Variants in ROBO2 observed in about 807,000 individuals in gnomAD.
ROBO2 encodes the protein roundabout homolog 2.
In ROBO2, 53 loss-of-function variants were observed where a neutral mutation model predicts 160.8. That is an observed-to-expected ratio of 0.33 (90% CI 0.26 to 0.41). The LOEUF (loss-of-function observed/expected upper bound fraction) is 0.41, where lower values mean the gene tolerates loss of function less well. ROBO2 is among the 10% of genes least tolerant of loss of function. ROBO2 has a pLI of 1.00. For missense variants in ROBO2, 1,577 were observed against 1,722.4 expected (o/e 0.92, Z 1.49); for synonymous variants, 664 against 611.7 (o/e 1.09, Z -1.26).
chr3:77,284,284 G>C, intron 2 of ROBO2, among the ~76,000 whole-genome samples: 1 of 152,118 alleles, frequency 6.6e-6, no homozygotes, highest in East Asian at 1.9e-4. Flanking sequence ...ACCCTGATGT[G>C]CTAGCACATG....
chr3:76,630,750 T>C (rs58771359), intron 2 of ROBO2, among the ~76,000 whole-genome samples: 1 of 152,202 alleles, frequency 6.6e-6, no homozygotes, highest in Admixed American at 6.5e-5. Flanking sequence ...CAATATCTTT[T>C]AAAAAATAAA....
At chr3:77,468,623 C>T (rs1010282320) in intron 2 of ROBO2, among the ~76,000 whole-genome samples, 2 of 152,180 alleles carry the variant, frequency 1.3e-5, no homozygotes, top group African/African-American at 4.8e-5. Flanking sequence ...GGCTAAGAAA[C>T]TCGAAGCTGG....
intron 21 of ROBO2, among the ~76,000 whole-genome samples, chr3:77,608,856 T>C (rs941024500): frequency 3.9e-5 from 6 of 151,920 alleles, no homozygotes; most frequent in African/African-American, 7.2e-5. Context: ...AATAAATCTA[T>C]TTATTTCTAT....
chr3:76,357,144 G>T (rs1254046898), intron 2 of ROBO2, among the ~76,000 whole-genome samples: 1 of 151,690 alleles, frequency 6.6e-6, no homozygotes, highest in African/African-American at 2.4e-5. Flanking sequence ...AAATACCATG[G>T]AATACTACAC....
intron 2 of ROBO2, among the ~76,000 whole-genome samples, chr3:77,034,235 G>A (rs1228019429): frequency 6.6e-6 from 1 of 151,668 alleles, no homozygotes; most frequent in Non-Finnish European, 1.5e-5. Context: ...ATAAACTTGG[G>A]CCAGGGAGAT....
intron 2 of ROBO2, among the ~76,000 whole-genome samples, chr3:76,780,933 T>C (rs1368731408): frequency 1.3e-5 from 2 of 150,828 alleles, no homozygotes; most frequent in Non-Finnish European, 3.0e-5. Flanking sequence ...AGGATGGTTT[T>C]TATATTTCTG....
chr3:76,878,325 G>A (rs1422394251), intron 2 of ROBO2, among the ~76,000 whole-genome samples: 1 of 152,070 alleles, frequency 6.6e-6, no homozygotes, highest in Non-Finnish European at 1.5e-5. Context: ...TAAATGAAAT[G>A]AAATAAAGAC....
At chr3:77,418,334 A>T (rs1355782840) in intron 2 of ROBO2, among the ~76,000 whole-genome samples, 1 of 152,132 alleles carries the variant, frequency 6.6e-6, no homozygotes, top group Admixed American at 6.5e-5. Context: ...ACTCTGCAAC[A>T]TATTAGATGC....
rs77311959 is a variant in ROBO2 at position 76,094,440 on chromosome 3, C to T, written c.109+156838C>T. 7.1e-3 allele frequency among the ~76,000 whole-genome samples: 1,080 copies of T among 152,248 alleles called. 67 individuals are homozygous for T. In the East Asian group the frequency reaches 0.16, roughly 22 times the overall value. ...ATTTTCAAGGATTCACAGTCAATAA[C>T]GAAATACAGCTGGGCTTAGAAGAGT... On this transcript the variant is annotated intron_variant, in intron 2 of 26. Transcript: ENST00000487694.
chr3:77,224,069 G>T (rs2086168691), intron 2 of ROBO2, among the ~76,000 whole-genome samples: 1 of 151,886 alleles, frequency 6.6e-6, no homozygotes, highest in Non-Finnish European at 1.5e-5. Flanking sequence ...ATGTTTTAAG[G>T]TATTTTTGGA....
chr3:77,443,096 C>T (rs894564900), intron 2 of ROBO2, among the ~76,000 whole-genome samples: 7 of 151,950 alleles, frequency 4.6e-5, no homozygotes, highest in African/African-American at 9.7e-5. Flanking sequence ...GAGACTTTAG[C>T]GAAATACTAG....
chr3:76,405,872 T>C (rs1365334763), intron 2 of ROBO2, among the ~76,000 whole-genome samples: 4 of 151,778 alleles, frequency 2.6e-5, no homozygotes. Flanking sequence ...TCATGCCTTT[T>C]GAAAATGATT....
At chr3:76,112,948 G>A (rs982036641) in intron 2 of ROBO2, among the ~76,000 whole-genome samples, 1 of 151,766 alleles carries the variant, frequency 6.6e-6, no homozygotes, top group Non-Finnish European at 1.5e-5. Context: ...TTTTCAATAG[G>A]CAGTGATTGA....
At chr3:75,967,713 T>C (rs1375876618) in intron 2 of ROBO2, among the ~76,000 whole-genome samples, 1 of 151,526 alleles carries the variant, frequency 6.6e-6, no homozygotes, top group Admixed American at 6.6e-5. Context: ...AATGCATAGT[T>C]ACCATGCATT....
chr3:76,632,606 C>T (rs1351785368), intron 2 of ROBO2, among the ~76,000 whole-genome samples: 3 of 152,166 alleles, frequency 2.0e-5, no homozygotes, highest in African/African-American at 7.2e-5. Flanking sequence ...AGAAAAGATT[C>T]ATACTGTCAC....
chr3:76,456,491 G>A (rs1264700763), intron 2 of ROBO2, among the ~76,000 whole-genome samples: 1 of 152,274 alleles, frequency 6.6e-6, no homozygotes, highest in African/African-American at 2.4e-5. Context: ...AGTACCAGCA[G>A]GTACTTTACG....
At chr3:76,475,704 A>G (rs2078898274) in intron 2 of ROBO2, among the ~76,000 whole-genome samples, 1 of 152,338 alleles carries the variant, frequency 6.6e-6, no homozygotes, top group African/African-American at 2.4e-5. Flanking sequence ...TATTCTAAGA[A>G]GACGTGAAGT....
chr3:76,747,329 T>C (rs1187169171), intron 2 of ROBO2, among the ~76,000 whole-genome samples: 2 of 152,116 alleles, frequency 1.3e-5, no homozygotes, highest in African/African-American at 4.8e-5. Context: ...TAAGTCTAAT[T>C]TTTCTTAACA....
intron 17 of ROBO2, among the ~76,000 whole-genome samples, chr3:77,591,967 G>C (rs2094191395): frequency 6.6e-6 from 1 of 152,170 alleles, no homozygotes; most frequent in African/African-American, 2.4e-5. Flanking sequence ...ATTGTTCATA[G>C]TTATTTGTAG....
Sources: allele counts gnomAD v4.1 joint callset (sites outside exome capture counted in the v4.1 genomes callset), GRCh38; gene constraint gnomAD v4.1.1; transcripts MANE v1.5; gene names NCBI Gene and HGNC (gene_info 2026-07-23, HGNC 2026-07-21).